The following RETREG1 variants were observed in gnomAD, a reference collection of about 807,000 sequenced individuals.
RETREG1 encodes the protein family with sequence similarity 134 member B.
In RETREG1, 44 loss-of-function variants were observed where a neutral mutation model predicts 54.8. The ratio of observed to expected loss-of-function variants is 0.80; its 90% CI spans 0.63 to 1.03. The LOEUF is 1.03. Among genes scored for constraint, RETREG1 ranks in the 50% least tolerant of loss-of-function variants. The probability of loss-of-function intolerance (pLI) is 0.00; values close to 1 mark genes in which losing one functional copy is unlikely to be tolerated. For synonymous variants in RETREG1, 217 were observed against 238.5 expected (o/e 0.91, Z 0.83); for missense variants, 554 against 605.1 (o/e 0.92, Z 0.89).
intron 3 of RETREG1, among the ~76,000 whole-genome samples, chr5:16,537,058 G>C (rs1741094366): frequency 6.6e-6 from 1 of 152,138 alleles, no homozygotes; most frequent in East Asian, 1.9e-4. Flanking sequence ...CACCCTGCCT[G>C]CCTCCTCCCT....
At chr5:16,592,866 G>A (rs997329339) in intron 1 of RETREG1, among the ~76,000 whole-genome samples, 3 of 152,026 alleles carry the variant, frequency 2.0e-5, no homozygotes, top group African/African-American at 4.8e-5. Flanking sequence ...ACACAAAGAG[G>A]GGAACAACAG....
intron 1 of RETREG1, among the ~76,000 whole-genome samples, chr5:16,577,821 C>T (rs1742371732): frequency 6.6e-6 from 1 of 152,050 alleles, no homozygotes; most frequent in Non-Finnish European, 1.5e-5. Context: ...TCAGGGGAAA[C>T]CCCTTTTGCT....
chr5:16,592,363 AC>A (rs1375968329), intron 1 of RETREG1, among the ~76,000 whole-genome samples: 1 of 152,300 alleles, frequency 6.6e-6, no homozygotes, highest in Admixed American at 6.5e-5. Context: ...ATCATCTTAC[AC>A]CAGTCAAAAT....
intron 8 of RETREG1, among the ~76,000 whole-genome samples, chr5:16,476,200 A>C (rs1444197311): frequency 6.6e-6 from 1 of 152,188 alleles, no homozygotes; most frequent in African/African-American, 2.4e-5. Flanking sequence ...TTAGGTAGTG[A>C]CAAAGGCAAG....
At chr5:16,599,549 G>A (rs1378487414) in intron 1 of RETREG1, among the ~76,000 whole-genome samples, 1 of 152,150 alleles carries the variant, frequency 6.6e-6, no homozygotes, top group Non-Finnish European at 1.5e-5. Flanking sequence ...TGGGAATCAT[G>A]AGGAAGTGGA....
At chr5:16,515,368 A>T (rs1740316225) in intron 3 of RETREG1, among the ~76,000 whole-genome samples, 1 of 152,228 alleles carries the variant, frequency 6.6e-6, no homozygotes, top group Admixed American at 6.5e-5. Context: ...ACTTTATGTC[A>T]TTCTCATAAT....
chr5:16,598,578 C>G (rs1185937617), intron 1 of RETREG1, among the ~76,000 whole-genome samples: 1 of 152,226 alleles, frequency 6.6e-6, no homozygotes, highest in Non-Finnish European at 1.5e-5. Flanking sequence ...TGTGACCTCC[C>G]TGCAGTCACC....
At chr5:16,511,349 T>C (rs1740169011) in intron 3 of RETREG1, among the ~76,000 whole-genome samples, 2 of 152,318 alleles carry the variant, frequency 1.3e-5, no homozygotes, top group Middle Eastern at 3.4e-3. Flanking sequence ...GTGATGCCAG[T>C]TGATTCTACC....
chr5:16,474,492 C>G lies in RETREG1; in HGVS notation c.*249G>C. ...TAAAAACAACCCCTAATATTTATCT[C>G]TGACAACACAGTGGTGTGTATAAAG... On this transcript the variant is annotated 3_prime_UTR_variant, in exon 9 of 9. Transcript: ENST00000306320. The G allele has an allele frequency of 2.2e-6, 1 of 450,848 alleles. No homozygotes were observed. Among genetic ancestry groups the G allele is most frequent in the Admixed American group, 4.0e-5 (1 of 24,990 alleles). 27.9% of individuals were successfully genotyped at this position (450,848 alleles called of 1,614,324 possible). A position where few individuals can be genotyped will look rare whatever the true frequency, so the allele number is the denominator to read the frequency against.
intron 3 of RETREG1, among the ~76,000 whole-genome samples, chr5:16,559,299 CA>C (rs11310060): frequency 0.34 from 52,074 of 151,682 alleles, 10,244 homozygotes; most frequent in Non-Finnish European, 0.44. Context: ...AAGCTAGGGG[CA>C]AAAAAAACCT....
chr5:16,554,379 G>C (rs1194806126), intron 3 of RETREG1, among the ~76,000 whole-genome samples: 2 of 152,156 alleles, frequency 1.3e-5, no homozygotes, highest in Non-Finnish European at 2.9e-5. Context: ...ACAGCAGCTT[G>C]GGAGCCGGAG....
At chr5:16,507,277 T>C (rs1739997029) in intron 3 of RETREG1, among the ~76,000 whole-genome samples, 1 of 152,214 alleles carries the variant, frequency 6.6e-6, no homozygotes. Flanking sequence ...CAAGTATGTA[T>C]TAAAAATGCC....
intron 3 of RETREG1, among the ~76,000 whole-genome samples, chr5:16,519,232 T>C (rs1740453400): frequency 6.6e-6 from 1 of 152,190 alleles, no homozygotes; most frequent in Non-Finnish European, 1.5e-5. Context: ...TTGTCCTAGA[T>C]CAGCGGCTTT....
At chr5:16,547,936 G>T (rs1654990848) in intron 3 of RETREG1, among the ~76,000 whole-genome samples, 1 of 152,046 alleles carries the variant, frequency 6.6e-6, no homozygotes, top group African/African-American at 2.4e-5. Flanking sequence ...AACACTGAGG[G>T]TTAGAAGAAC....
At chr5:16,557,173 G>A (rs371923997) in intron 3 of RETREG1, among the ~76,000 whole-genome samples, 1 of 152,172 alleles carries the variant, frequency 6.6e-6, no homozygotes, top group African/African-American at 2.4e-5. Context: ...CTGTCCTGAA[G>A]ATCCACGTCA....
chr5:16,599,315 C>G (rs776544287), intron 1 of RETREG1, among the ~76,000 whole-genome samples: 20 of 152,212 alleles, frequency 1.3e-4, no homozygotes, highest in Non-Finnish European at 2.5e-4. Context: ...ATACTCCATT[C>G]ACTAATATTC....
intron 3 of RETREG1, among the ~76,000 whole-genome samples, chr5:16,540,672 G>A (rs1488094864): frequency 6.6e-6 from 1 of 152,190 alleles, no homozygotes. Context: ...CGGGTGCTGG[G>A]CACTCCACAT....
chr5:16,606,011 G>C (rs1743181818), intron 1 of RETREG1, among the ~76,000 whole-genome samples: 1 of 152,166 alleles, frequency 6.6e-6, no homozygotes, highest in Non-Finnish European at 1.5e-5. Context: ...ATTCCTGTTG[G>C]CCAAGTCAGG....
chr5:16,524,275 C>T (rs1217707839), intron 3 of RETREG1, among the ~76,000 whole-genome samples: 2 of 152,192 alleles, frequency 1.3e-5, no homozygotes, highest in African/African-American at 2.4e-5. Flanking sequence ...TGCAGTGAGC[C>T]GTGTGAACCA....
Sources: gnomAD v4.1 joint callset for allele counts (sites outside exome capture counted in the v4.1 genomes callset) on GRCh38, gnomAD v4.1.1 for gene constraint, MANE v1.5 for transcripts, NCBI Gene and HGNC (gene_info 2026-07-23, HGNC 2026-07-21) for gene names.